The following CRYBG1 variants were observed in gnomAD, a reference collection of about 807,000 sequenced individuals.
The protein encoded by CRYBG1 is beta/gamma crystallin domain-containing protein 1.
CRYBG1 carries 139 observed loss-of-function variants against 189.2 expected under a neutral mutation model. The observed-to-expected ratio is 0.73, with a 90% CI of 0.64 to 0.85. The LOEUF (loss-of-function observed/expected upper bound fraction) is 0.85, where lower values mean the gene tolerates loss of function less well. CRYBG1 is among the 40% of genes least tolerant of loss of function. The pLI, the probability that CRYBG1 is intolerant of heterozygous loss-of-function variation, is 0.00. For missense variants in CRYBG1, 2,611 were observed against 2,675.8 expected (o/e 0.98, Z 0.53); for synonymous variants, 1,023 against 1,017.1 (o/e 1.01, Z -0.11).
At chr6:106,508,539 G>T (rs868626690) in intron 2 of CRYBG1, among the ~76,000 whole-genome samples, 1 of 152,278 alleles carries the variant, frequency 6.6e-6, no homozygotes, top group Middle Eastern at 3.4e-3. Context: ...TATCATTATA[G>T]ATTAGATTTG....
chr6:106,544,740 G>A lies in CRYBG1; in HGVS notation c.5166+43G>A, dbSNP rs375591133. 135 of 1,606,312 alleles carry A rather than the reference G, an allele frequency of 8.4e-5. 1 individual carries two copies. The Middle Eastern group carries it at 3.5e-3, about 42-fold the overall frequency. ...TAATGGCTAATACTTGGTCTTCTTT[G>A]GATAATAAATGGCTAGCCTTTGAAT... is the stretch of plus-strand genomic sequence containing the variant. On this transcript the variant is annotated intron_variant, in intron 12 of 21. Coordinates refer to ENST00000633556, the MANE Select transcript of CRYBG1 (RefSeq NM_001371242.2).
intron 1 of CRYBG1, among the ~76,000 whole-genome samples, chr6:106,405,645 C>T (rs1409471771): frequency 1.3e-5 from 2 of 152,210 alleles, no homozygotes; most frequent in Non-Finnish European, 2.9e-5. Flanking sequence ...CTCTGGCTGG[C>T]ATCTGGCGGG....
intron 2 of CRYBG1, among the ~76,000 whole-genome samples, chr6:106,464,727 T>C (rs1488225897): frequency 6.6e-6 from 1 of 152,230 alleles, no homozygotes; most frequent in African/African-American, 2.4e-5. Flanking sequence ...ATTTTGCCCT[T>C]AGCTTTCGCT....
At chr6:106,362,655 G>T (rs552720686) in intron 1 of CRYBG1, among the ~76,000 whole-genome samples, 4 of 152,292 alleles carry the variant, frequency 2.6e-5, no homozygotes, top group Non-Finnish European at 5.9e-5. Context: ...ACCTAAGAAA[G>T]AAGTCATTTT....
intron 20 of CRYBG1, among the ~76,000 whole-genome samples, chr6:106,562,859 C>T (rs1029508738): frequency 6.6e-6 from 1 of 151,512 alleles, no homozygotes; most frequent in African/African-American, 2.4e-5. Context: ...CAGAGTCTAG[C>T]TCTGTTGCCC....
intron 1 of CRYBG1, among the ~76,000 whole-genome samples, chr6:106,392,992 C>G (rs1163261317): frequency 6.6e-6 from 1 of 152,074 alleles, no homozygotes; most frequent in African/African-American, 2.4e-5. Context: ...CCAGGCAGGT[C>G]TCGAACTCCT....
At chr6:106,489,710 C>T (rs1434994190) in intron 2 of CRYBG1, among the ~76,000 whole-genome samples, 1 of 76,304 alleles carries the variant, frequency 1.3e-5, no homozygotes, top group African/African-American at 6.9e-5. Flanking sequence ...CACCTGTAAT[C>T]CCAGCTACTC....
chr6:106,405,055 G>A (rs1012014519), intron 1 of CRYBG1, among the ~76,000 whole-genome samples: 6 of 152,174 alleles, frequency 3.9e-5, no homozygotes, highest in African/African-American at 1.4e-4. Flanking sequence ...CCCTGGAAAG[G>A]GGACTGAAAC....
At chr6:106,383,102 T>A (rs1293203594) in intron 1 of CRYBG1, among the ~76,000 whole-genome samples, 1 of 152,148 alleles carries the variant, frequency 6.6e-6, no homozygotes, top group African/African-American at 2.4e-5. Flanking sequence ...TGAGTTCAAC[T>A]TGAACTAGTC....
chr6:106,418,975 A>G (rs7747422), intron 1 of CRYBG1, among the ~76,000 whole-genome samples: 17,195 of 152,280 alleles, frequency 0.11, 1,025 homozygotes, highest in East Asian at 0.15. Flanking sequence ...TGATGTTCAC[A>G]TAGTACATGA....
At chr6:106,564,021 T>G (rs1042125659) in intron 21 of CRYBG1, 95 bp downstream of exon 21, 16 of 1,295,298 alleles carry the variant, frequency 1.2e-5, no homozygotes, top group Non-Finnish European at 1.1e-6. Context: ...ATGAATGTAT[T>G]ATTAGTAGTA....
At chr6:106,499,071 A>G (rs1392458726) in intron 2 of CRYBG1, among the ~76,000 whole-genome samples, 1 of 149,220 alleles carries the variant, frequency 6.7e-6, no homozygotes, top group Admixed American at 6.6e-5. Context: ...AGTTATTCAT[A>G]TATTCTGACT....
intron 1 of CRYBG1, among the ~76,000 whole-genome samples, chr6:106,390,234 A>C (rs1197604578): frequency 6.6e-6 from 1 of 152,186 alleles, no homozygotes; most frequent in Non-Finnish European, 1.5e-5. Context: ...CAAATATCGT[A>C]TTGTTTGGAA....
chr6:106,364,334 T>TA lies in CRYBG1; in HGVS notation c.173+3264dup, dbSNP rs66717990. On this transcript the variant is annotated intron_variant, in intron 1 of 21. Transcript: ENST00000633556. ...AAGAGTGAAACTCCATCTCAAAAAATAAAAAAAAAAAGAAAGAAAAGCTTG... is the reference window on the plus strand; with the variant it reads ...AAGAGTGAAACTCCATCTCAAAAAATAAAAAAAAAAAAGAAAGAAAAGCTTG... Among the ~76,000 whole-genome samples, 1,037 of 149,032 alleles carry TA rather than the reference T, an allele frequency of 7.0e-3. 11 individuals carry two copies. Among genetic ancestry groups the TA allele is most frequent in the African/African-American group, 0.024 (961 of 40,498 alleles).
chr6:106,421,971 TG>T (rs5878882), intron 1 of CRYBG1, among the ~76,000 whole-genome samples: 73,330 of 151,888 alleles, frequency 0.48, 18,516 homozygotes, highest in South Asian at 0.72. Flanking sequence ...GAGAACAGCA[TG>T]GGAAAGACCC....
At chr6:106,484,280 G>A (rs1286050947) in intron 2 of CRYBG1, among the ~76,000 whole-genome samples, 1 of 150,348 alleles carries the variant, frequency 6.7e-6, no homozygotes, top group East Asian at 2.0e-4. Context: ...GTAGTGCGAT[G>A]CCTCCAGCTT....
At position 106,569,243 on chromosome 6, in the gene CRYBG1, A is replaced by G. The variant is rs1343155572; in HGVS notation, c.*677A>G. On this transcript the variant is annotated 3_prime_UTR_variant, in exon 22 of 22. Coordinates refer to ENST00000633556, the MANE Select transcript of CRYBG1 (RefSeq NM_001371242.2). ...ATTTGTTAGTAGGATTTGAGTTATT[A>G]TTTTTTGAGACAGGATCTCAGGCTG... The G allele has an allele frequency of 3.3e-5, 5 of 152,158 alleles. 1 individual carries two copies. Among genetic ancestry groups the G allele is most frequent in the Non-Finnish European group, 7.3e-5 (5 of 68,034 alleles). 9.4% of individuals were successfully genotyped at this position (152,158 alleles called of 1,614,324 possible).
intron 1 of CRYBG1, among the ~76,000 whole-genome samples, chr6:106,435,504 T>C (rs1405048214): frequency 6.6e-6 from 1 of 152,220 alleles, no homozygotes; most frequent in Non-Finnish European, 1.5e-5. Context: ...GACTGCTTTT[T>C]AATTATCTGA....
intron 2 of CRYBG1, among the ~76,000 whole-genome samples, chr6:106,458,126 A>C (rs1771927601): frequency 6.6e-6 from 1 of 152,208 alleles, no homozygotes; most frequent in Non-Finnish European, 1.5e-5. Context: ...CTGAAGACGG[A>C]GGAGTGGTTT....
Sources: gnomAD v4.1 joint callset for allele counts (sites outside exome capture counted in the v4.1 genomes callset) on GRCh38, gnomAD v4.1.1 for gene constraint, MANE v1.5 for transcripts, NCBI Gene and HGNC (gene_info 2026-07-23, HGNC 2026-07-21) for gene names.